The following PHF21A variants were observed in gnomAD, a reference collection of about 807,000 sequenced individuals.
The protein encoded by PHF21A is PHD finger protein 21A, also known as BHC80a.
PHF21A carries 11 observed loss-of-function variants against 82.5 expected under a neutral mutation model. That is an observed-to-expected ratio of 0.13 (90% CI 0.08 to 0.22). PHF21A has a LOEUF of 0.22. Among genes scored for constraint, PHF21A ranks in the 10% least tolerant of loss-of-function variants. The pLI, the probability that PHF21A is intolerant of heterozygous loss-of-function variation, is 1.00. For synonymous variants in PHF21A, 297 were observed against 302.8 expected (o/e 0.98, Z 0.20); for missense variants, 579 against 837.8 (o/e 0.69, Z 3.81).
chr11:46,087,762 A>G (rs186594415), intron 3 of PHF21A, among the ~76,000 whole-genome samples: 5 of 152,018 alleles, frequency 3.3e-5, no homozygotes, highest in Admixed American at 2.0e-4. Context: ...ATTTTGAAAA[A>G]ATTTTTTTCC....
chr11:46,110,374 C>T (rs533738865), intron 1 of PHF21A, among the ~76,000 whole-genome samples: 9 of 152,102 alleles, frequency 5.9e-5, no homozygotes, highest in Non-Finnish European at 1.2e-4. Flanking sequence ...TGGGGCATTT[C>T]ATTAAAAAAG....
intron 4 of PHF21A, among the ~76,000 whole-genome samples, chr11:46,082,962 A>G (rs1415583268): frequency 6.6e-6 from 1 of 152,236 alleles, no homozygotes; most frequent in East Asian, 1.9e-4. Context: ...GATCCACACA[A>G]ATTTCAGATT....
intron 16 of PHF21A, 157 bp from the exon 17 acceptor site, chr11:45,936,726 A>C: frequency 1.7e-6 from 1 of 603,804 alleles, no homozygotes; most frequent in Non-Finnish European, 2.9e-6. Flanking sequence ...TTTCTGGACT[A>C]AAAAGTTCCA....
chr11:46,033,881 C>T (rs79635709), intron 6 of PHF21A, among the ~76,000 whole-genome samples: 6 of 152,258 alleles, frequency 3.9e-5, no homozygotes, highest in Admixed American at 6.5e-5. Flanking sequence ...GAGTATATAT[C>T]TAGGAGGAGA....
At chr11:46,038,928 T>G (rs1234191808) in intron 6 of PHF21A, among the ~76,000 whole-genome samples, 3 of 152,100 alleles carry the variant, frequency 2.0e-5, no homozygotes, top group Non-Finnish European at 4.4e-5. Context: ...GGGGACACAT[T>G]CAAACCACAG....
chr11:46,053,269 A>G (rs1263168098), intron 6 of PHF21A, among the ~76,000 whole-genome samples: 1 of 152,194 alleles, frequency 6.6e-6, no homozygotes, highest in Non-Finnish European at 1.5e-5. Context: ...AAATATCAAT[A>G]TGAAAGAATT....
At chr11:46,056,347 T>C (rs1263966653) in intron 6 of PHF21A, among the ~76,000 whole-genome samples, 1 of 152,094 alleles carries the variant, frequency 6.6e-6, no homozygotes, top group African/African-American at 2.4e-5. Flanking sequence ...GCTGTGTGGG[T>C]CAGTTTCTAT....
intron 7 of PHF21A, among the ~76,000 whole-genome samples, chr11:45,971,890 C>CTTTCTTTCTTTTTT (rs57081937): frequency 2.0e-5 from 1 of 50,294 alleles, no homozygotes; most frequent in African/African-American, 6.3e-5. Flanking sequence ...CTTTTTCTTT[C>CTTTCTTTCTTTTTT]TTTTTTTTTT....
At chr11:46,037,881 T>A (rs2096048275) in intron 6 of PHF21A, among the ~76,000 whole-genome samples, 1 of 152,026 alleles carries the variant, frequency 6.6e-6, no homozygotes, top group South Asian at 2.1e-4. Context: ...AGCTCAGAAA[T>A]TTTTTCTTCT....
At chr11:45,997,365 C>T (rs999252114) in intron 6 of PHF21A, among the ~76,000 whole-genome samples, 1 of 152,100 alleles carries the variant, frequency 6.6e-6, no homozygotes, top group Non-Finnish European at 1.5e-5. Context: ...AATAACAGGA[C>T]TATACTTCTT....
At chr11:45,990,276 TCAA>T (rs2094644057) in intron 6 of PHF21A, among the ~76,000 whole-genome samples, 1 of 59,274 alleles carries the variant, frequency 1.7e-5, no homozygotes, top group Non-Finnish European at 3.7e-5. Context: ...TTTTTTTTTT[TCAA>T]ACAGGATCTC....
chr11:46,045,808 T>C (rs1239128992), intron 6 of PHF21A, among the ~76,000 whole-genome samples: 1 of 152,156 alleles, frequency 6.6e-6, no homozygotes, highest in Admixed American at 6.5e-5. Flanking sequence ...GACCCCTTTA[T>C]GAGACCACAG....
At chr11:46,066,212 G>C (rs926628180) in intron 6 of PHF21A, among the ~76,000 whole-genome samples, 3 of 152,320 alleles carry the variant, frequency 2.0e-5, no homozygotes, top group Admixed American at 6.5e-5. Flanking sequence ...AGAGGAGGTA[G>C]TGAACTGGGG....
intron 15 of PHF21A, among the ~76,000 whole-genome samples, chr11:45,944,870 G>T (rs2091049823): frequency 6.6e-6 from 1 of 152,206 alleles, no homozygotes; most frequent in South Asian, 2.1e-4. Context: ...GGGTTCCAGG[G>T]ATTCTCCTGC....
chr11:46,078,209 T>A (rs1248093759), intron 5 of PHF21A, among the ~76,000 whole-genome samples: 1 of 152,172 alleles, frequency 6.6e-6, no homozygotes, highest in Admixed American at 6.5e-5. Flanking sequence ...GCTCTCAGAG[T>A]CAAAACACAA....
chr11:46,107,455 A>G (rs1400890473), intron 1 of PHF21A, among the ~76,000 whole-genome samples: 1 of 152,232 alleles, frequency 6.6e-6, no homozygotes, highest in African/African-American at 2.4e-5. Flanking sequence ...AATGCTACCA[A>G]TGAGAAAAAC....
chr11:46,118,654 T>C (rs533660291), intron 1 of PHF21A: 1 of 152,336 alleles, frequency 6.6e-6, no homozygotes, highest in Non-Finnish European at 1.5e-5. Context: ...ACATTTTTAA[T>C]GACCCCCTAA....
intron 2 of PHF21A, among the ~76,000 whole-genome samples, chr11:46,091,490 TTC>T (rs1300868934): frequency 3.3e-5 from 5 of 152,200 alleles, no homozygotes; most frequent in African/African-American, 4.8e-5. Flanking sequence ...CTCTCTCTTT[TTC>T]TCTCTTTTTC....
intron 1 of PHF21A, among the ~76,000 whole-genome samples, chr11:46,106,079 T>C (rs868201345): frequency 1.3e-5 from 2 of 152,330 alleles, no homozygotes; most frequent in Middle Eastern, 3.4e-3. Flanking sequence ...CAGGAACTAT[T>C]GCAGCTCCCT....
Sources: gnomAD v4.1 joint callset for allele counts (sites outside exome capture counted in the v4.1 genomes callset) on GRCh38, gnomAD v4.1.1 for gene constraint, MANE v1.5 for transcripts, NCBI Gene and HGNC (gene_info 2026-07-23, HGNC 2026-07-21) for gene names.